Variants in PIGN observed in about 807,000 individuals in gnomAD.
The protein encoded by PIGN is phosphatidylinositol glycan anchor biosynthesis class N, also known as GPI ethanolamine phosphate transferase 1.
PIGN carries 117 observed loss-of-function variants against 125.4 expected under a neutral mutation model. The observed-to-expected ratio is 0.93, with a 90% CI of 0.80 to 1.09. PIGN has a LOEUF of 1.09. Among genes scored for constraint, PIGN ranks in the 50% least tolerant of loss-of-function variants. The pLI is 0.00. For missense variants in PIGN, 1,075 were observed against 1,094.9 expected (o/e 0.98, Z 0.26); for synonymous variants, 392 against 377.8 (o/e 1.04, Z -0.44).
rs193088247 is a variant in PIGN at position 62,120,009 on chromosome 18, G to A, written c.1173-5370C>T. On this transcript the variant is annotated intron_variant, in intron 14 of 30. Coordinates refer to ENST00000640252, the MANE Select transcript of PIGN (RefSeq NM_176787.5). ...GAATGTAATTGGAATACCAGAGAGG[G>A]AGAGATGGAATATGGCAGAAGCAAT... is the stretch of plus-strand genomic sequence containing the variant. 6.2e-3 allele frequency among the ~76,000 whole-genome samples: 944 copies of A among 152,254 alleles called. 1 individual carries two copies. The highest frequency in any genetic ancestry group is 9.5e-3 in the Non-Finnish European group (645 of 68,026).
Position 62,155,727 on chromosome 18 carries a change from G to A in PIGN, c.443-1076C>T, listed in dbSNP as rs1258688390. 2.8e-5 allele frequency among the ~76,000 whole-genome samples: 4 copies of A among 141,514 alleles called. No homozygotes were observed. The East Asian group carries it at 6.5e-4, about 23-fold the overall frequency. 92.8% of individuals were successfully genotyped at this position (141,514 alleles called of 152,430 possible). A position where few individuals can be genotyped will look rare whatever the true frequency, so the allele number is the denominator to read the frequency against. On this transcript the variant is annotated intron_variant, in intron 6 of 30. Coordinates refer to ENST00000640252, the MANE Select transcript of PIGN (RefSeq NM_176787.5). ...GGTTTGCTGTTTACTACAAGATATGGAACATTAGACTATCTCTAATTCAAT... is the reference window on the plus strand; with the variant it reads ...GGTTTGCTGTTTACTACAAGATATGAAACATTAGACTATCTCTAATTCAAT...
At position 62,045,820 on chromosome 18, in the gene PIGN, A is replaced by C; in HGVS notation, c.*36T>G. 1 of 1,609,346 alleles carries C rather than the reference A, an allele frequency of 6.2e-7. No individual in the cohort carries two copies. Among genetic ancestry groups the C allele is most frequent in the Non-Finnish European group, 8.5e-7 (1 of 1,176,654 alleles). On this transcript the variant is annotated 3_prime_UTR_variant, in exon 31 of 31. Transcript: ENST00000640252. ...GATGAGATTTTAGCTTAAAAGGAGA[A>C]TCAGGATCCAGATGCTGAATGGTGC...
intron 27 of PIGN, among the ~76,000 whole-genome samples, chr18:62,083,736 A>T (rs2033558984): frequency 6.6e-6 from 1 of 152,210 alleles, no homozygotes; most frequent in Non-Finnish European, 1.5e-5. Context: ...AAATAGCAAC[A>T]TGTTTTAAAA....
chr18:62,044,843 T>G lies in PIGN; in HGVS notation c.*1013A>C, dbSNP rs1439250899. Reference sequence around the variant, plus strand: ...CTGCAGGGATATGTAAAGGTCATTTTATGGATAATCCATATAAAAACTGCT... The same window carrying G: ...CTGCAGGGATATGTAAAGGTCATTTGATGGATAATCCATATAAAAACTGCT... On this transcript the variant is annotated 3_prime_UTR_variant, in exon 31 of 31. Transcript: ENST00000640252. 2 of 152,252 alleles carry G rather than the reference T, an allele frequency of 1.3e-5. No homozygotes were observed. Among genetic ancestry groups the G allele is most frequent in the East Asian group, 3.8e-4 (2 of 5,200 alleles). 9.4% of individuals were successfully genotyped at this position (152,252 alleles called of 1,614,324 possible).
chr18:62,024,985 A>G (rs924741260), intron 23 of PIGN, among the ~76,000 whole-genome samples: 12 of 152,248 alleles, frequency 7.9e-5, no homozygotes, highest in Admixed American at 2.0e-4. Context: ...TATGGGTACA[A>G]GTAGGAGAAA....
chr18:62,144,323 A>G (rs537816271), intron 10 of PIGN, among the ~76,000 whole-genome samples: 1 of 152,322 alleles, frequency 6.6e-6, no homozygotes, highest in East Asian at 1.9e-4. Flanking sequence ...TCCTATGGCA[A>G]ACTGGAATGT....
chr18:62,113,356 A>C (rs1389839427), intron 15 of PIGN, 40 bp from the exon 16 acceptor site: 1 of 1,467,120 alleles, frequency 6.8e-7, no homozygotes. Context: ...AACAGAAATA[A>C]TAAGAAAACC....
At chr18:62,039,958 A>C (rs75622565), downstream of PIGN, among the ~76,000 whole-genome samples, 72 of 15,676 alleles carry the variant, frequency 4.6e-3, no homozygotes, top group Admixed American at 6.4e-3. Context: ...GGTGCCGCAC[A>C]TCATGTTTAG....
At chr18:62,039,689 G>C (rs2030317517), downstream of PIGN, among the ~76,000 whole-genome samples, 1 of 109,642 alleles carries the variant, frequency 9.1e-6, no homozygotes, top group African/African-American at 3.2e-5. Flanking sequence ...CATCCAGGGT[G>C]CCGCACCCCA....
intron 22 of PIGN, among the ~76,000 whole-genome samples, chr18:62,100,048 A>G (rs1281407977): frequency 1.3e-5 from 2 of 152,186 alleles, no homozygotes; most frequent in Non-Finnish European, 2.9e-5. Flanking sequence ...ATGGGAGAAA[A>G]TATTTGCAAA....
rs1310372192 is a variant in PIGN at position 62,157,690 on chromosome 18, T to C, written c.340A>G (p.Lys114Glu). Residue 114 changes from lysine (K) to glutamate (E), a missense_variant, in exon 5 of 31, where the codon AAA (lysine) becomes GAA (glutamate). Physicochemically the swap from Lys to Glu is moderately conservative, Grantham distance 56. Coordinates refer to ENST00000640252, the MANE Select transcript of PIGN (RefSeq NM_176787.5). ...AGATTGTCCAAATAGACAATACCTTTGGCAACTGCACTGACATCTTCATAA... is the reference window on the plus strand; with the variant it reads ...AGATTGTCCAAATAGACAATACCTTCGGCAACTGCACTGACATCTTCATAA... ...GFYEDVSAVA[K>E]GWKENPVEFD... is the part of the protein sequence containing the mutation. The C allele has an allele frequency of 6.2e-7, 1 of 1,609,898 alleles. No homozygotes were observed. The highest frequency in any genetic ancestry group is 8.5e-7 in the Non-Finnish European group (1 of 1,177,914).
In PIGN at chr18:62,086,066, G is replaced by A. The variant is rs575625022; in HGVS notation, c.2371-802C>T. Reference sequence around the variant, plus strand: ...GATTCAACGAATCATCTAAGCAACCGTTTATTGTCTAGTAGATGTCAGAGA... The same window carrying A: ...GATTCAACGAATCATCTAAGCAACCATTTATTGTCTAGTAGATGTCAGAGA... On this transcript the variant is annotated intron_variant, in intron 25 of 30. Coordinates refer to ENST00000640252, the MANE Select transcript of PIGN (RefSeq NM_176787.5). Among the ~76,000 whole-genome samples, 7 of 152,300 alleles carry A rather than the reference G, an allele frequency of 4.6e-5. No individual in the cohort carries two copies. The South Asian group carries it at 6.2e-4, about 14-fold the overall frequency.
At chr18:62,038,111 G>A (rs9945494), downstream of PIGN, among the ~76,000 whole-genome samples, 78,436 of 152,040 alleles carry the variant, frequency 0.52, 22,149 homozygotes, top group East Asian at 0.71. Flanking sequence ...ACATTTTGTA[G>A]TATTAGGCAT....
chr18:62,021,232 CCAAA>C (rs2030051416), intron 23 of PIGN, among the ~76,000 whole-genome samples: 1 of 152,176 alleles, frequency 6.6e-6, no homozygotes, highest in Admixed American at 6.5e-5. Flanking sequence ...TTAAAAACCG[CCAAA>C]CAGAGAACAA....
intron 14 of PIGN, among the ~76,000 whole-genome samples, chr18:62,119,270 T>C (rs527390572): frequency 6.6e-6 from 1 of 152,170 alleles, no homozygotes; most frequent in African/African-American, 2.4e-5. Flanking sequence ...ACTACCAGAC[T>C]TAACAAACAA....
chr18:62,092,165 C>T (rs979537200), intron 23 of PIGN, among the ~76,000 whole-genome samples: 1 of 152,110 alleles, frequency 6.6e-6, no homozygotes, highest in African/African-American at 2.4e-5. Flanking sequence ...CAGATACCTA[C>T]ACACATGAGA....
intron 20 of PIGN, 49 bp from the exon 21 acceptor site, chr18:62,102,951 C>T (rs752294710): frequency 5.8e-6 from 6 of 1,025,884 alleles, no homozygotes; most frequent in Non-Finnish European, 8.4e-6. Context: ...TATTTACGAA[C>T]ACATATCAGA....
chr18:62,028,310 A>G (rs2030150456), intron 23 of PIGN, among the ~76,000 whole-genome samples: 1 of 152,224 alleles, frequency 6.6e-6, no homozygotes, highest in African/African-American at 2.4e-5. Context: ...TATTCTCCTG[A>G]GCCATCCAGC....
chr18:62,151,882 C>G (rs1202014299), intron 7 of PIGN, among the ~76,000 whole-genome samples: 1 of 152,104 alleles, frequency 6.6e-6, no homozygotes, highest in Non-Finnish European at 1.5e-5. Flanking sequence ...TTAGCCTGGC[C>G]TACTGTCAAC....
Sources: allele counts gnomAD v4.1 joint callset (sites outside exome capture counted in the v4.1 genomes callset), GRCh38; gene constraint gnomAD v4.1.1; transcripts MANE v1.5; gene names NCBI Gene and HGNC (gene_info 2026-07-23, HGNC 2026-07-21).